Variants in PPM1J observed in about 807,000 individuals in gnomAD.
The protein encoded by PPM1J is protein phosphatase 1J.
A neutral mutation model predicts 53.3 loss-of-function variants in PPM1J; 43 were observed. The ratio of observed to expected loss-of-function variants is 0.81; its 90% confidence interval spans 0.63 to 1.04. The LOEUF is 1.04. PPM1J is among the 50% of genes least tolerant of loss of function. PPM1J has a pLI of 0.00. For missense variants in PPM1J, 635 were observed against 685.9 expected (o/e 0.93, Z 0.83); for synonymous variants, 267 against 286.4 (o/e 0.93, Z 0.68).
At chr1:112,712,555 C>T (rs1675089886) in intron 3 of PPM1J, 98 bp from the exon 4 acceptor site, 2 of 1,237,494 alleles carry the variant, frequency 1.6e-6, no homozygotes. Context: ...TCAACTGGCC[C>T]AGCCAGGCTA....
rs1675080513 is a variant in PPM1J, at chr1:112,712,236, TG to T, written c.842+108del. The T allele has an allele frequency of 6.8e-6, 7 of 1,027,364 alleles. No individual in the cohort carries two copies. The East Asian group carries it at 1.8e-4, about 27-fold the overall frequency. The allele number at this position is 1,027,364 out of a possible 1,614,324, so 63.6% of individuals were successfully genotyped here. A position where few individuals can be genotyped will look rare whatever the true frequency, so the allele number is the denominator to read the frequency against. On this transcript the variant is annotated intron_variant, in intron 4 of 9. Coordinates refer to ENST00000309276, the MANE Select transcript of PPM1J (RefSeq NM_005167.7). ...CACTCCTTATGTCTGTCACCCCTCT[TG>T]ACTCCCTCCAATCTTGATTTTTAAC... is the stretch of plus-strand genomic sequence containing the variant.
rs779770319 is a variant in PPM1J, at chr1:112,715,185, A to AGCGGCGGCGG, written c.107_116dup (p.Pro40ArgfsTer26). ...CGGGAGGGCTCCTGGGCGCTTCTGGAGCGGCGGCGGGCGGCGCCGAGGCGG... is the reference window on the plus strand; with the variant it reads ...CGGGAGGGCTCCTGGGCGCTTCTGGAGCGGCGGCGGGCGGCGGCGGGCGGCGCCGAGGCGG... On this transcript the variant is annotated frameshift_variant, in exon 1 of 10. Transcript: ENST00000309276. LOFTEE classifies it high-confidence loss of function. This position sits in a 1 kb window ranked among gnomAD's most constrained non-coding sequence, Gnocchi z 4.4. The AGCGGCGGCGG allele has an allele frequency of 1.3e-4, 186 of 1,467,350 alleles. 1 individual carries two copies. The African/African-American group carries it at 2.6e-3, about 21-fold the overall frequency. The allele number at this position is 1,467,350 out of a possible 1,614,324, so 90.9% of individuals were successfully genotyped here.
In PPM1J at chr1:112,715,129, G is replaced by C; in HGVS notation, c.173C>G (p.Ala58Gly). The stretch of plus-strand genomic sequence containing the variant: ...GCTCGCTCGAGCCTCAACAGCCTTC[G>C]CGGGCGTCGCGCTCCCGCTCCCAGC... ...AKAGSGSATPAKAVEARASFS... is the reference protein window; with the variant it reads ...AKAGSGSATPGKAVEARASFS... The change falls in exon 1 of 10, where the codon GCG (alanine) becomes GGG (glycine). Residue 58 changes from alanine (A) to glycine (G), a missense_variant. Ala to Gly is a moderately conservative substitution (Grantham distance 60). Transcript: ENST00000309276. This position sits in a 1 kb window ranked among gnomAD's most constrained non-coding sequence, Gnocchi z 4.4. 1 of 1,551,612 alleles carries C rather than the reference G, an allele frequency of 6.4e-7. No homozygotes were observed. Among genetic ancestry groups the C allele is most frequent in the Non-Finnish European group, 8.6e-7 (1 of 1,159,446 alleles).
At chr1:112,714,843 T>C in intron 1 of PPM1J, 133 bp downstream of exon 1, 1 of 1,315,802 alleles carries the variant, frequency 7.6e-7, no homozygotes, top group Admixed American at 4.1e-5. Flanking sequence ...GACCAGAGGA[T>C]AGCAAAGGTC....
intron 6 of PPM1J, 36 bp downstream of exon 6, chr1:112,711,230 C>A (rs1557783102): frequency 1.3e-6 from 2 of 1,545,876 alleles, no homozygotes; most frequent in Admixed American, 1.7e-5. Context: ...GTTGTGTTGC[C>A]ATGGGAACGG....
intron 9 of PPM1J, 53 bp from the exon 10 acceptor site, chr1:112,710,363 G>C: frequency 6.2e-7 from 1 of 1,610,578 alleles, no homozygotes; most frequent in Non-Finnish European, 8.5e-7. Context: ...TGGGAAGACA[G>C]ATACACAGGC....
At position 112,715,327 on chromosome 1, in the gene PPM1J, C is replaced by T. The variant is rs1030494491; in HGVS notation, c.-26G>A. The T allele has an allele frequency of 4.9e-6, 6 of 1,225,810 alleles. No homozygotes were observed. The highest frequency in any genetic ancestry group is 4.3e-5 in the Admixed American group (1 of 23,250). 75.9% of individuals were successfully genotyped at this position (1,225,810 alleles called of 1,614,324 possible). ...GCTGCCTCCCTGCCCCGCCCTCGGC[C>T]GCGGCCCCGCCCCCGCCCAGGCCCC... On this transcript the variant is annotated 5_prime_UTR_variant, in exon 1 of 10. Coordinates refer to ENST00000309276, the MANE Select transcript of PPM1J (RefSeq NM_005167.7). This position sits in a 1 kb window ranked among gnomAD's most constrained non-coding sequence, Gnocchi z 4.4.
At position 112,712,774 on chromosome 1, in the gene PPM1J, C is replaced by T. The variant is rs1675096104; in HGVS notation, c.699G>A (p.Val233=). 6.2e-7 allele frequency: 1 copy of T among 1,611,796 alleles called. No homozygotes were observed. Among genetic ancestry groups the T allele is most frequent in the Non-Finnish European group, 8.5e-7 (1 of 1,179,616 alleles). The change falls in exon 3 of 10, where the codon GTG becomes GTA. Residue 233 remains valine (V), a synonymous_variant. Transcript: ENST00000309276. ...GCTGGAAGGCATTCTCAACGGCCCCCACTACCAGGCTCTCGTGGCTCACTT... is the reference window on the plus strand; with the variant it reads ...GCTGGAAGGCATTCTCAACGGCCCCTACTACCAGGCTCTCGTGGCTCACTT... ...QKEVSHESLV[V]GAVENAFQLM... is the part of the protein sequence containing the mutation.
rs1675124218 is a variant in PPM1J at position 112,713,536 on chromosome 1, C to T, written c.402G>A (p.Arg134=). 6.2e-7 allele frequency: 1 copy of T among 1,613,964 alleles called. No individual in the cohort carries two copies. Among genetic ancestry groups the T allele is most frequent in the African/African-American group, 1.3e-5 (1 of 74,890 alleles). The change falls in exon 2 of 10, where the codon AGG becomes AGA. Residue 134 remains arginine (R), a synonymous_variant. Transcript: ENST00000309276. ...GCTCCCTAGGTACTCCTGTAACACT[C>T]CTCCGACCTTCCACATACACCACTT... ...CCEVVYVEGR[R]SVTGVPREPS...
rs759831876 is a variant in PPM1J, at chr1:112,712,099, A to T, written c.843-44T>A. 7 of 1,492,500 alleles carry T rather than the reference A, an allele frequency of 4.7e-6. No homozygotes were observed. In the South Asian group the frequency reaches 6.0e-5, roughly 13 times the overall value. The allele number at this position is 1,492,500 out of a possible 1,614,324, so 92.5% of individuals were successfully genotyped here. A position where few individuals can be genotyped will look rare whatever the true frequency, so the allele number is the denominator to read the frequency against. ...GGAATTGGGACCTGGTTCTCTTCAGACCCACTCATGAAAAATTCCAGAAAG... is the reference window on the plus strand; with the variant it reads ...GGAATTGGGACCTGGTTCTCTTCAGTCCCACTCATGAAAAATTCCAGAAAG... On this transcript the variant is annotated intron_variant, in intron 4 of 9. Transcript: ENST00000309276.
chr1:112,715,092 C>A lies in PPM1J; in HGVS notation c.210G>T (p.Pro70=). The A allele has an allele frequency of 6.4e-7, 1 of 1,563,196 alleles. No individual in the cohort carries two copies. Among genetic ancestry groups the A allele is most frequent in the African/African-American group, 1.4e-5 (1 of 71,454 alleles). Residue 70 remains proline, a synonymous_variant, in exon 1 of 10, where the codon CCG becomes CCT. Coordinates refer to ENST00000309276, the MANE Select transcript of PPM1J (RefSeq NM_005167.7). The surrounding 1 kb of genome is among the most constrained non-coding windows in gnomAD (Gnocchi z 4.4). ...AVEARASFSR[P]TFLQLSPGGL... is the part of the protein sequence containing the mutation. The stretch of plus-strand genomic sequence containing the variant: ...CCCCGGGGCTCAGCTGCAGAAAGGT[C>A]GGTCTGGAGAAGCTCGCTCGAGCCT...
chr1:112,714,328 C>G (rs1199093974), intron 1 of PPM1J: 47 of 985,486 alleles, frequency 4.8e-5, no homozygotes, highest in Non-Finnish European at 5.1e-5. Flanking sequence ...AAAATACACA[C>G]AGCCCGGGGG....
chr1:112,712,180 C>T, intron 4 of PPM1J, 125 bp from the exon 5 acceptor site: 2 of 944,678 alleles, frequency 2.1e-6, no homozygotes, highest in East Asian at 5.3e-5. Flanking sequence ...CCCATATCTG[C>T]CCCTGACCCC....
At chr1:112,714,755 A>G in intron 1 of PPM1J, 1 of 1,256,030 alleles carries the variant, frequency 8.0e-7, no homozygotes, top group Non-Finnish European at 1.0e-6. Flanking sequence ...AGGGCAGTCA[A>G]TGAGCGGGAA....
rs1675101944 is a variant in PPM1J at position 112,712,929 on chromosome 1, TTAGCTGCTCTCGGA to T, written c.530_543del (p.Ile177LysfsTer56). The T allele has an allele frequency of 1.2e-6, 2 of 1,613,862 alleles. No individual in the cohort carries two copies. The highest frequency in any genetic ancestry group is 1.7e-6 in the Non-Finnish European group (2 of 1,180,014). On this transcript the variant is annotated frameshift_variant, in exon 3 of 10. Coordinates refer to ENST00000309276, the MANE Select transcript of PPM1J (RefSeq NM_005167.7). LOFTEE classifies it high-confidence loss of function. ...TCCTGAAGTATCTCTACCAGGTCCT[TTAGCTGCTCTCGGA>T]TATGGCGATGCAGGAGCCGTGAGGC...
chr1:112,711,492 A>G (rs1391552065), intron 5 of PPM1J, 108 bp from the exon 6 acceptor site: 2 of 653,748 alleles, frequency 3.1e-6, no homozygotes, highest in Non-Finnish European at 5.5e-6. Flanking sequence ...AGAGTTTACC[A>G]TGTGCCACAC....
intron 1 of PPM1J, chr1:112,714,220 G>A: frequency 1.0e-6 from 1 of 987,068 alleles, no homozygotes; most frequent in Non-Finnish European, 1.2e-6. Context: ...AGGAGGCTAA[G>A]GGAGGTGGTG....
Position 112,711,271 on chromosome 1 carries a change from G to T in PPM1J, c.1041C>A (p.Thr347=). ...AGCTCTGAGGGAAGTGTTACCAGCC[G>T]GTCATGTTCTGGTCCCGGTACAACA... is the stretch of plus-strand genomic sequence containing the variant. The part of the protein sequence containing the change: ...QRMLYRDQNM[T]GWAYKKIELE... The change falls in exon 6 of 10, where the codon ACC becomes ACA. Residue 347 remains threonine, a synonymous_variant. Transcript: ENST00000309276. 4 of 1,606,026 alleles carry T rather than the reference G, an allele frequency of 2.5e-6. No homozygotes were observed. Among genetic ancestry groups the T allele is most frequent in the Non-Finnish European group, 3.4e-6 (4 of 1,174,168 alleles).
At chr1:112,710,333 T>A in intron 9 of PPM1J, 23 bp from the exon 10 acceptor site, 1 of 1,613,196 alleles carries the variant, frequency 6.2e-7, no homozygotes, top group Non-Finnish European at 8.5e-7. Flanking sequence ...CACATGCACA[T>A]TCATGTACCA....
Sources: allele counts gnomAD v4.1 joint callset, GRCh38; gene constraint gnomAD v4.1.1; non-coding constraint Gnocchi (gnomAD v3.1); transcripts MANE v1.5; gene names NCBI Gene and HGNC (gene_info 2026-07-23, HGNC 2026-07-21).